Variants in MAML2 observed in about 807,000 individuals in gnomAD.
The protein encoded by MAML2 is mastermind-like protein 2.
Under a neutral mutation model 96.1 loss-of-function variants are expected in MAML2, and 22 were observed. The observed-to-expected ratio is 0.23, with a 90% CI of 0.16 to 0.33. MAML2 has a LOEUF of 0.33. MAML2 is among the 10% of genes least tolerant of loss of function. The pLI is 1.00. For synonymous variants in MAML2, 561 were observed against 521.3 expected, an observed-to-expected ratio of 1.08 and a Z score of -1.04; for missense variants, 1,367 against 1,392.4, an observed-to-expected ratio of 0.98 and a Z score of 0.29.
Position 96,341,935 on chromosome 11 carries a change from G to T in MAML2, c.-40C>A. The T allele has an allele frequency of 6.8e-7, 1 of 1,471,518 alleles. No homozygotes were observed. Among genetic ancestry groups the T allele is most frequent in the Non-Finnish European group, 9.0e-7 (1 of 1,117,284 alleles). The allele number at this position is 1,471,518 out of a possible 1,614,324, so 91.2% of individuals were successfully genotyped here. ...TGATTGCTGCCTCTGGGATGGTGAGGTGGAAAGAGGCTACTGCTGGCTATT... is the reference window on the plus strand; with the variant it reads ...TGATTGCTGCCTCTGGGATGGTGAGTTGGAAAGAGGCTACTGCTGGCTATT... On this transcript the variant is annotated 5_prime_UTR_variant, in exon 1 of 5. Transcript: ENST00000524717.
intron 1 of MAML2, among the ~76,000 whole-genome samples, chr11:96,157,533 G>C (rs1229841534): frequency 6.6e-6 from 1 of 152,228 alleles, no homozygotes; most frequent in African/African-American, 2.4e-5. Context: ...ATTCTTGTCA[G>C]TTCACTGGCA....
At chr11:95,998,991 C>G (rs945530206) in intron 2 of MAML2, among the ~76,000 whole-genome samples, 5 of 152,098 alleles carry the variant, frequency 3.3e-5, no homozygotes, top group African/African-American at 1.2e-4. Context: ...AATGGGTACC[C>G]TTTTTCCTTA....
At chr11:96,220,231 A>G (rs183257343) in intron 1 of MAML2, among the ~76,000 whole-genome samples, 1 of 152,140 alleles carries the variant, frequency 6.6e-6, no homozygotes, top group African/African-American at 2.4e-5. Flanking sequence ...CAAATGAGTG[A>G]CCCTCCTTCA....
At chr11:96,002,909 AAG>A (rs1226543773) in intron 2 of MAML2, among the ~76,000 whole-genome samples, 1 of 140,818 alleles carries the variant, frequency 7.1e-6, no homozygotes, top group Non-Finnish European at 1.5e-5. Flanking sequence ...GATGATGAGA[AAG>A]ATGATGGGGA....
At chr11:96,277,791 G>C (rs1863010704) in intron 1 of MAML2, among the ~76,000 whole-genome samples, 1 of 148,090 alleles carries the variant, frequency 6.8e-6, no homozygotes, top group Non-Finnish European at 1.5e-5. Context: ...TGGAATAAAA[G>C]ATATCTTAGA....
intron 2 of MAML2, among the ~76,000 whole-genome samples, chr11:96,056,350 A>G (rs1447127054): frequency 6.9e-6 from 1 of 145,918 alleles, no homozygotes; most frequent in South Asian, 2.2e-4. Context: ...CCTTTGGGTC[A>G]CATGTTCTCT....
intron 1 of MAML2, among the ~76,000 whole-genome samples, chr11:96,123,801 T>C (rs2135848632): frequency 6.6e-6 from 1 of 152,122 alleles, no homozygotes; most frequent in African/African-American, 2.4e-5. Context: ...CCGGCCGGCA[T>C]GGTGGCTCAC....
chr11:96,320,202 ACTC>A (rs1384628823), intron 1 of MAML2, among the ~76,000 whole-genome samples: 1 of 152,180 alleles, frequency 6.6e-6, no homozygotes, highest in Non-Finnish European at 1.5e-5. Flanking sequence ...AGTGGAATGA[ACTC>A]CTTGTTATAT....
At chr11:96,033,611 T>C (rs2135748344) in intron 2 of MAML2, among the ~76,000 whole-genome samples, 1 of 152,302 alleles carries the variant, frequency 6.6e-6, no homozygotes, top group South Asian at 2.1e-4. Context: ...CAGATTCTGA[T>C]TAATTTTGTT....
chr11:96,114,077 A>G (rs1860183026), intron 1 of MAML2, among the ~76,000 whole-genome samples: 1 of 151,956 alleles, frequency 6.6e-6, no homozygotes, highest in African/African-American at 2.4e-5. Context: ...TAATTTAATT[A>G]TCTTTAATTT....
intron 2 of MAML2, among the ~76,000 whole-genome samples, chr11:96,045,017 T>C (rs1005803584): frequency 1.3e-5 from 2 of 152,172 alleles, no homozygotes; most frequent in African/African-American, 2.4e-5. Context: ...GAGCACTTGG[T>C]TGAAAAAGCA....
intron 1 of MAML2, among the ~76,000 whole-genome samples, chr11:96,219,140 T>C (rs936911821): frequency 1.2e-4 from 19 of 152,194 alleles, no homozygotes; most frequent in African/African-American, 4.6e-4. Context: ...TAAAGTATGT[T>C]AAAAAGCTTT....
intron 1 of MAML2, among the ~76,000 whole-genome samples, chr11:96,227,627 T>G (rs1181606856): frequency 6.6e-6 from 1 of 152,234 alleles, no homozygotes; most frequent in East Asian, 1.9e-4. Context: ...CTCTCTGAGA[T>G]TCATTCAGTT....
In MAML2 at chr11:96,093,268, T is replaced by C. The variant is rs772383621; in HGVS notation, c.763A>G (p.Asn255Asp). 1.2e-6 allele frequency: 2 copies of C among 1,614,066 alleles called. No homozygotes were observed. Among genetic ancestry groups the C allele is most frequent in the Non-Finnish European group, 1.7e-6 (2 of 1,179,906 alleles). ...TLPSHTHSPG[N>D]GLFNMGLKEV... ...TTTAAGCCCATGTTAAACAGGCCAT[T>C]GCCAGGAGAATGTGTATGGGATGGC... The change falls in exon 2 of 5, where the codon AAT becomes GAT. Residue 255 changes from asparagine (N) to aspartate (D), a missense_variant. Transcript: ENST00000524717.
intron 1 of MAML2, among the ~76,000 whole-genome samples, chr11:96,311,024 C>T (rs1863536239): frequency 6.6e-6 from 1 of 152,194 alleles, no homozygotes. Flanking sequence ...TTACATGTAT[C>T]ATCTCATTTA....
chr11:96,167,412 G>A (rs1467130347), intron 1 of MAML2, among the ~76,000 whole-genome samples: 5 of 152,142 alleles, frequency 3.3e-5, no homozygotes, highest in South Asian at 4.1e-4. Flanking sequence ...GCCCCCAGAG[G>A]TGTCTTCCCA....
intron 2 of MAML2, among the ~76,000 whole-genome samples, chr11:96,024,261 G>T (rs1590967236): frequency 6.6e-6 from 1 of 152,354 alleles, no homozygotes; most frequent in East Asian, 1.9e-4. Flanking sequence ...AAGAACATGG[G>T]CTTACAGCCC....
intron 1 of MAML2, among the ~76,000 whole-genome samples, chr11:96,261,070 A>C (rs575782047): frequency 4.6e-5 from 7 of 152,310 alleles, no homozygotes; most frequent in African/African-American, 1.7e-4. Context: ...GCATGTTGGA[A>C]CTTAATCTCC....
intron 2 of MAML2, among the ~76,000 whole-genome samples, chr11:96,053,166 T>C (rs183274432): frequency 1.3e-5 from 2 of 152,342 alleles, no homozygotes; most frequent in East Asian, 3.9e-4. Flanking sequence ...AATACATTCA[T>C]GAGTTCATTT....
Sources: gnomAD v4.1 joint callset for allele counts (sites outside exome capture counted in the v4.1 genomes callset) on GRCh38, gnomAD v4.1.1 for gene constraint, MANE v1.5 for transcripts, NCBI Gene and HGNC (gene_info 2026-07-23, HGNC 2026-07-21) for gene names.